The following MEP1B variants were observed in gnomAD, a reference collection of about 807,000 sequenced individuals.
The protein encoded by MEP1B is meprin A subunit beta, also known as N-benzoyl-L-tyrosyl-P-amino-benzoic acid hydrolase subunit beta.
A neutral mutation model predicts 84.6 loss-of-function variants in MEP1B; 80 were observed. That is an observed-to-expected ratio of 0.95 (90% CI 0.79 to 1.14). The LOEUF is 1.14. Among genes scored for constraint, MEP1B ranks in the 50% most tolerant of loss-of-function variants. MEP1B has a pLI of 0.00. For missense variants in MEP1B, 766 were observed against 855.1 expected (o/e 0.90, Z 1.30); for synonymous variants, 273 against 288.1 (o/e 0.95, Z 0.53).
At chr18:32,193,990 T>C (rs1259449157) in intron 4 of MEP1B, among the ~76,000 whole-genome samples, 3 of 152,154 alleles carry the variant, frequency 2.0e-5, no homozygotes, top group Non-Finnish European at 4.4e-5. Context: ...GTCTCAAACC[T>C]AAGGTGTCCT....
At chr18:32,208,339 A>G (rs2040987999) in intron 9 of MEP1B, 68 bp downstream of exon 9, 1 of 1,390,350 alleles carries the variant, frequency 7.2e-7, no homozygotes, top group African/African-American at 1.4e-5. Context: ...TCTATGAAAG[A>G]ATGGGATTTT....
In MEP1B at chr18:32,196,069, T is replaced by C. The variant is rs2040850695; in HGVS notation, c.250+584T>C. The C allele has an allele frequency of 2.2e-6, 1 of 446,484 alleles. No individual in the cohort carries two copies. Among genetic ancestry groups the C allele is most frequent in the Non-Finnish European group, 4.2e-6 (1 of 240,182 alleles). 27.7% of individuals were successfully genotyped at this position (446,484 alleles called of 1,614,324 possible). ...AGAAGGGTCATTGGCAGCCCGGGGC[T>C]GGGAACCCAGGTCCTCTGGTGCCCC... On this transcript the variant is annotated intron_variant, in intron 5 of 14. Coordinates refer to ENST00000269202, the MANE Select transcript of MEP1B (RefSeq NM_005925.3). The surrounding 1 kb of genome is among the most constrained non-coding windows in gnomAD (Gnocchi z 4.4).
intron 7 of MEP1B, among the ~76,000 whole-genome samples, chr18:32,204,707 A>C (rs2040947113): frequency 6.6e-6 from 1 of 152,148 alleles, no homozygotes; most frequent in South Asian, 2.1e-4. Flanking sequence ...AGACTGGGTA[A>C]TTTATAAAGA....
chr18:32,206,416 C>T (rs540154908), intron 7 of MEP1B, among the ~76,000 whole-genome samples: 66 of 150,468 alleles, frequency 4.4e-4, no homozygotes, highest in African/African-American at 1.5e-3. Flanking sequence ...AATGCCCTGA[C>T]TGGTTCAACA....
At chr18:32,209,877 G>T (rs1379067507) in intron 9 of MEP1B, among the ~76,000 whole-genome samples, 1 of 151,802 alleles carries the variant, frequency 6.6e-6, no homozygotes, top group Non-Finnish European at 1.5e-5. Context: ...ACCTCTGTCC[G>T]CAGTGTGTGT....
intron 14 of MEP1B, among the ~76,000 whole-genome samples, chr18:32,220,010 G>A (rs1168111322): frequency 6.6e-6 from 1 of 152,146 alleles, no homozygotes; most frequent in Non-Finnish European, 1.5e-5. Context: ...TGAGGCGAAT[G>A]TATGTGTTCA....
At chr18:32,218,712 G>C (rs2041119565) in intron 14 of MEP1B, among the ~76,000 whole-genome samples, 1 of 152,172 alleles carries the variant, frequency 6.6e-6, no homozygotes, top group Admixed American at 6.5e-5. Context: ...CTCTGGAGTG[G>C]GGATGACTCC....
intron 1 of MEP1B, among the ~76,000 whole-genome samples, chr18:32,190,922 C>T (rs890420149): frequency 9.9e-5 from 15 of 152,042 alleles, no homozygotes; most frequent in Non-Finnish European, 4.4e-5. Flanking sequence ...TTAAACGCTC[C>T]AAATGATTCT....
At chr18:32,204,763 T>C (rs2040947670) in intron 7 of MEP1B, among the ~76,000 whole-genome samples, 1 of 152,096 alleles carries the variant, frequency 6.6e-6, no homozygotes, top group Admixed American at 6.6e-5. Flanking sequence ...AAGTCCAAAA[T>C]CAAGGGGTGG....
intron 9 of MEP1B, 68 bp from the exon 10 acceptor site, chr18:32,210,433 A>T: frequency 7.5e-7 from 1 of 1,326,670 alleles, no homozygotes; most frequent in Admixed American, 2.1e-5. Context: ...ATCTAGCACC[A>T]CCATTAACAA....
chr18:32,210,357 G>C, intron 9 of MEP1B, 144 bp from the exon 10 acceptor site: 1 of 666,074 alleles, frequency 1.5e-6, no homozygotes, highest in East Asian at 2.7e-5. Flanking sequence ...CAGATATGTA[G>C]CTTAGGCTTC....
chr18:32,209,752 T>G (rs1393468143), intron 9 of MEP1B, among the ~76,000 whole-genome samples: 1 of 151,312 alleles, frequency 6.6e-6, no homozygotes, highest in Non-Finnish European at 1.5e-5. Context: ...TTCCTTTTCT[T>G]TTTTTCTTCC....
Position 32,206,430 on chromosome 18 carries a change from C to CT in MEP1B, c.548-805dup, listed in dbSNP as rs34535020. Among the ~76,000 whole-genome samples, 792 of 133,712 alleles carry CT rather than the reference C, an allele frequency of 5.9e-3. 5 individuals carry two copies. The highest frequency in any genetic ancestry group is 0.014 in the South Asian group (57 of 4,074). The allele number at this position is 133,712 out of a possible 152,430, so 87.7% of individuals were successfully genotyped here. ...CAATGCCCTGACTGGTTCAACAACA[C>CT]TTTTTTTTTTTTTTTTTGAGACAGA... On this transcript the variant is annotated intron_variant, in intron 7 of 14. Transcript: ENST00000269202.
chr18:32,212,198 C>A (rs186907322), intron 10 of MEP1B, among the ~76,000 whole-genome samples: 98 of 151,722 alleles, frequency 6.5e-4, no homozygotes, highest in African/African-American at 2.3e-3. Flanking sequence ...GGGGGTCCTT[C>A]CTATTAGCAA....
chr18:32,210,008 T>C (rs910442147), intron 9 of MEP1B, among the ~76,000 whole-genome samples: 2 of 152,206 alleles, frequency 1.3e-5, no homozygotes, highest in Admixed American at 6.5e-5. Context: ...ATTTTCCTTT[T>C]TCATATTCTC....
rs116594004 is a variant in MEP1B at position 32,204,141 on chromosome 18, G to T, written c.369-41G>T. The T allele has an allele frequency of 1.7e-3, 2,613 of 1,563,138 alleles. 29 individuals carry two copies. The African/African-American group carries it at 0.031, about 18-fold the overall frequency. ...CGATTCTGCCCTGAGACCTCAGATT[G>T]TAACATTCTCTTCCCCCTTTCTTGT... On this transcript the variant is annotated intron_variant, in intron 6 of 14. Transcript: ENST00000269202.
intron 5 of MEP1B, among the ~76,000 whole-genome samples, chr18:32,200,118 A>AT (rs2144392870): frequency 6.6e-6 from 1 of 152,122 alleles, no homozygotes; most frequent in African/African-American, 2.4e-5. Context: ...GATAAGAGCT[A>AT]TTTTTCATCT....
chr18:32,204,865 G>A (rs1446520820), intron 7 of MEP1B, among the ~76,000 whole-genome samples: 2 of 152,130 alleles, frequency 1.3e-5, no homozygotes, highest in Admixed American at 6.6e-5. Context: ...GACCAAATCT[G>A]TCCTTTTACA....
rs755274981 is a variant in MEP1B, at chr18:32,213,403, A to C, written c.1423A>C (p.Ile475Leu). The C allele has an allele frequency of 6.2e-7, 1 of 1,613,892 alleles. No individual in the cohort carries two copies. Reference sequence around the variant, plus strand: ...TCTAGCCCATGTGACTAATGCAGGGATATATTTCCACTTGATCTCTGGAGC... The same window carrying C: ...TCTAGCCCATGTGACTAATGCAGGGCTATATTTCCACTTGATCTCTGGAGC... ...LNLAHVTNAG[I>L]YFHLISGAND... Residue 475 changes from isoleucine to leucine, a missense_variant, in exon 11 of 15, where the codon ATA becomes CTA. By Grantham distance (5) the Ile-to-Leu change is conservative. Transcript: ENST00000269202.
Sources: gnomAD v4.1 joint callset for allele counts (sites outside exome capture counted in the v4.1 genomes callset) on GRCh38, gnomAD v4.1.1 for gene constraint, Gnocchi (gnomAD v3.1) non-coding constraint, MANE v1.5 for transcripts, NCBI Gene and HGNC (gene_info 2026-07-23, HGNC 2026-07-21) for gene names.